NT5DC1: variants seen among roughly 807,000 people sequenced by gnomAD.
The protein encoded by NT5DC1 is 5'-nucleotidase domain containing 1.
A neutral mutation model predicts 59.4 loss-of-function variants in NT5DC1; 42 were observed. The observed-to-expected ratio is 0.71, with a 90% CI of 0.55 to 0.92. The LOEUF (loss-of-function observed/expected upper bound fraction) is 0.92, where lower values mean the gene tolerates loss of function less well. Among genes scored for constraint, NT5DC1 ranks in the 40% least tolerant of loss-of-function variants. NT5DC1 has a pLI of 0.00. For missense variants in NT5DC1, 501 were observed against 537.1 expected, an observed-to-expected ratio of 0.93 and a Z score of 0.66; for synonymous variants, 172 against 188.1, an observed-to-expected ratio of 0.91 and a Z score of 0.70.
chr6:116,228,597 G>C (rs894323676), intron 8 of NT5DC1, among the ~76,000 whole-genome samples: 8 of 151,970 alleles, frequency 5.3e-5, no homozygotes, highest in Admixed American at 5.2e-4. Context: ...TGTTTTCTAG[G>C]CCTCTGATTT....
chr6:116,233,182 A>T lies in NT5DC1; in HGVS notation c.803-3784A>T, dbSNP rs76733100. On this transcript the variant is annotated intron_variant, in intron 8 of 11. Coordinates refer to ENST00000319550, the MANE Select transcript of NT5DC1 (RefSeq NM_152729.3). ...GTTTTCAATTAATACATTTTACCTA[A>T]CTGTTAAGATTGCTTTAATTAAAGC... Among the ~76,000 whole-genome samples the T allele has an allele frequency of 9.2e-3, 1,403 of 152,188 alleles. 21 individuals carry two copies. The highest frequency in any genetic ancestry group is 0.032 in the African/African-American group (1,322 of 41,424).
intron 6 of NT5DC1, among the ~76,000 whole-genome samples, chr6:116,178,958 T>C (rs979022066): frequency 2.0e-5 from 3 of 152,222 alleles, no homozygotes; most frequent in Non-Finnish European, 4.4e-5. Context: ...ACAAAGACAG[T>C]GAACAGTAGA....
chr6:116,145,489 T>C, intron 6 of NT5DC1: 1 of 372,006 alleles, frequency 2.7e-6, no homozygotes, highest in Non-Finnish European at 6.1e-6. Flanking sequence ...AGTTTCATAC[T>C]TATTTAAGAG....
intron 8 of NT5DC1, among the ~76,000 whole-genome samples, chr6:116,224,808 G>A (rs1229945247): frequency 6.6e-6 from 1 of 152,174 alleles, no homozygotes; most frequent in African/African-American, 2.4e-5. Flanking sequence ...ATTGTTTGAG[G>A]CAGAAGAGTG....
chr6:116,187,759 A>C (rs1351229052), intron 6 of NT5DC1, among the ~76,000 whole-genome samples: 1 of 152,124 alleles, frequency 6.6e-6, no homozygotes, highest in Non-Finnish European at 1.5e-5. Context: ...TAAAGCTATC[A>C]GAAGAAAATC....
At chr6:116,115,039 C>T (rs1778939502) in intron 4 of NT5DC1, among the ~76,000 whole-genome samples, 1 of 152,144 alleles carries the variant, frequency 6.6e-6, no homozygotes, top group African/African-American at 2.4e-5. Context: ...ACAGCAGATC[C>T]AAAAGTCACA....
chr6:116,179,311 G>A (rs1172001785), intron 6 of NT5DC1, among the ~76,000 whole-genome samples: 2 of 152,016 alleles, frequency 1.3e-5, no homozygotes, highest in Non-Finnish European at 2.9e-5. Context: ...ATGGCAGGAG[G>A]ATTTACATTC....
intron 6 of NT5DC1, chr6:116,137,627 A>G (rs1562133720): frequency 9.5e-6 from 2 of 209,932 alleles, no homozygotes; most frequent in African/African-American, 2.3e-5. Flanking sequence ...GTGGGAAACA[A>G]AAGTCCCACA....
chr6:116,192,157 G>A (rs1027156928), intron 6 of NT5DC1, among the ~76,000 whole-genome samples: 8 of 152,104 alleles, frequency 5.3e-5, no homozygotes, highest in Admixed American at 3.9e-4. Context: ...AAGAAATGGT[G>A]TGAGTTCAGA....
At chr6:116,114,604 TG>T (rs1778932469) in intron 4 of NT5DC1, among the ~76,000 whole-genome samples, 1 of 151,798 alleles carries the variant, frequency 6.6e-6, no homozygotes, top group African/African-American at 2.4e-5. Flanking sequence ...ATGTAAAATC[TG>T]GCTTTACCTA....
At chr6:116,213,806 G>T (rs1333162941) in intron 6 of NT5DC1, among the ~76,000 whole-genome samples, 1 of 152,070 alleles carries the variant, frequency 6.6e-6, no homozygotes, top group Non-Finnish European at 1.5e-5. Flanking sequence ...CCTGCAAAAG[G>T]ATCAGAAAGA....
At chr6:116,137,459 C>T in intron 6 of NT5DC1, 1 of 170,864 alleles carries the variant, frequency 5.9e-6, no homozygotes, top group Non-Finnish European at 1.3e-5. Context: ...GGCCTTTGTG[C>T]AGCCGAGAAC....
chr6:116,220,278 A>T (rs1781773036), intron 6 of NT5DC1, among the ~76,000 whole-genome samples: 1 of 152,084 alleles, frequency 6.6e-6, no homozygotes, highest in Non-Finnish European at 1.5e-5. Context: ...CTAAATCTGC[A>T]ATTGCCTGCT....
At chr6:116,208,173 G>A (rs1032779693) in intron 6 of NT5DC1, among the ~76,000 whole-genome samples, 3 of 151,928 alleles carry the variant, frequency 2.0e-5, no homozygotes, top group Non-Finnish European at 4.4e-5. Flanking sequence ...GTGCCTCAAA[G>A]CTAGAGAAGT....
chr6:116,125,754 CAG>C (rs1395181794), intron 6 of NT5DC1: 1 of 336,316 alleles, frequency 3.0e-6, no homozygotes, highest in South Asian at 3.1e-5. Context: ...GGAAAAGAAA[CAG>C]AAATTAGGAT....
intron 6 of NT5DC1, among the ~76,000 whole-genome samples, chr6:116,186,177 A>G (rs996632738): frequency 3.9e-5 from 6 of 152,108 alleles, no homozygotes; most frequent in African/African-American, 1.4e-4. Context: ...TATTTTGTTT[A>G]AGGAGAACAA....
In NT5DC1 at chr6:116,245,607, C is replaced by T. The variant is rs952644923; in HGVS notation, c.*1583C>T. ...ATTACAATGAGCATAAATAATCAAG[C>T]TTAGGACTAAATGAAAGATACTATC... On this transcript the variant is annotated 3_prime_UTR_variant, in exon 12 of 12. Transcript: ENST00000319550. 2.0e-5 allele frequency: 3 copies of T among 152,174 alleles called. No individual in the cohort carries two copies. Among genetic ancestry groups the T allele is most frequent in the African/African-American group, 7.2e-5 (3 of 41,396 alleles). 9.4% of individuals were successfully genotyped at this position (152,174 alleles called of 1,614,324 possible).
chr6:116,108,115 A>G (rs1778802320), intron 2 of NT5DC1, among the ~76,000 whole-genome samples: 1 of 152,154 alleles, frequency 6.6e-6, no homozygotes, highest in Non-Finnish European at 1.5e-5. Context: ...TCTTTTGAAA[A>G]GCCTAAAGAT....
intron 6 of NT5DC1, among the ~76,000 whole-genome samples, chr6:116,219,758 A>G (rs1381781696): frequency 1.3e-5 from 2 of 152,054 alleles, no homozygotes; most frequent in Admixed American, 6.6e-5. Flanking sequence ...GATCAAGACC[A>G]TTAGACCATT....
Sources: gnomAD v4.1 joint callset for allele counts (sites outside exome capture counted in the v4.1 genomes callset) on GRCh38, gnomAD v4.1.1 for gene constraint, MANE v1.5 for transcripts, NCBI Gene and HGNC (gene_info 2026-07-23, HGNC 2026-07-21) for gene names.